The following SGCD variants were observed in gnomAD, a reference collection of about 807,000 sequenced individuals.
SGCD encodes the protein delta-sarcoglycan.
A neutral mutation model predicts 36.6 loss-of-function variants in SGCD; 18 were observed. The observed-to-expected ratio is 0.49, with a 90% CI of 0.34 to 0.73. SGCD has a LOEUF of 0.73. SGCD is among the 30% of genes least tolerant of loss of function. SGCD has a pLI of 0.01. For synonymous variants in SGCD, 133 were observed against 130.6 expected (o/e 1.02, Z -0.12); for missense variants, 387 against 346.7 (o/e 1.12, Z -0.92).
At chr5:156,539,944 G>A (rs1377762090) in intron 4 of SGCD, among the ~76,000 whole-genome samples, 2 of 152,122 alleles carry the variant, frequency 1.3e-5, no homozygotes, top group African/African-American at 4.8e-5. Flanking sequence ...GTTATAATAT[G>A]TGAATACGAG....
At chr5:155,966,553 G>A (rs1480355936) in intron 1 of SGCD, among the ~76,000 whole-genome samples, 1 of 152,114 alleles carries the variant, frequency 6.6e-6, no homozygotes, top group Non-Finnish European at 1.5e-5. Flanking sequence ...GCAGGAGACT[G>A]GAGAATGCAC....
chr5:155,956,865 T>G (rs1294904796), intron 1 of SGCD, among the ~76,000 whole-genome samples: 1 of 149,742 alleles, frequency 6.7e-6, no homozygotes, highest in African/African-American at 2.5e-5. Context: ...TCTGCAAAGA[T>G]CCTTTTTCCC....
chr5:156,119,655 C>T (rs1021581834), intron 2 of SGCD, among the ~76,000 whole-genome samples: 2 of 152,062 alleles, frequency 1.3e-5, no homozygotes, highest in Admixed American at 6.6e-5. Flanking sequence ...CACTTCTGCT[C>T]AAAAATCTTA....
intron 1 of SGCD, among the ~76,000 whole-genome samples, chr5:156,025,220 C>A (rs929378478): frequency 1.3e-5 from 2 of 152,148 alleles, no homozygotes; most frequent in African/African-American, 4.8e-5. Context: ...TGTTCATGAT[C>A]TCCCCATAGG....
At chr5:156,539,832 C>T (rs1455079192) in intron 4 of SGCD, among the ~76,000 whole-genome samples, 1 of 152,042 alleles carries the variant, frequency 6.6e-6, no homozygotes, top group Non-Finnish European at 1.5e-5. Flanking sequence ...AAAGTATATT[C>T]TTTATCTGAA....
chr5:156,363,553 G>A (rs1293029664), intron 3 of SGCD, among the ~76,000 whole-genome samples: 6 of 152,036 alleles, frequency 3.9e-5, no homozygotes, highest in African/African-American at 1.4e-4. Context: ...AAAAATAATA[G>A]CTATTATTTT....
chr5:156,607,555 A>C (rs151026472), intron 6 of SGCD, among the ~76,000 whole-genome samples: 2,676 of 152,164 alleles, frequency 0.018, 32 homozygotes, highest in Non-Finnish European at 0.029. Flanking sequence ...ATGATGCTGG[A>C]CTCATCAAAT....
At chr5:156,170,795 T>C (rs1763325996) in intron 3 of SGCD, among the ~76,000 whole-genome samples, 1 of 152,224 alleles carries the variant, frequency 6.6e-6, no homozygotes, top group Non-Finnish European at 1.5e-5. Flanking sequence ...AGTTCCAGGC[T>C]GTAATCACAT....
chr5:156,325,540 T>C (rs1397067100), upstream of SGCD, among the ~76,000 whole-genome samples: 1 of 152,162 alleles, frequency 6.6e-6, no homozygotes, highest in African/African-American at 2.4e-5. Context: ...GTCAGTAAGA[T>C]GCAGAGCTAA....
chr5:156,020,139 A>G (rs1202917627), intron 1 of SGCD, among the ~76,000 whole-genome samples: 1 of 152,202 alleles, frequency 6.6e-6, no homozygotes, highest in Non-Finnish European at 1.5e-5. Context: ...TTACTTTTAT[A>G]TATTTTCATA....
At chr5:156,163,114 G>GT (rs1763122713) in intron 3 of SGCD, among the ~76,000 whole-genome samples, 1 of 151,508 alleles carries the variant, frequency 6.6e-6, no homozygotes, top group Non-Finnish European at 1.5e-5. Context: ...TTTCACTATT[G>GT]TTTTTTCTCC....
intron 7 of SGCD, among the ~76,000 whole-genome samples, chr5:156,676,595 G>A (rs1208645013): frequency 1.3e-5 from 2 of 152,120 alleles, no homozygotes; most frequent in Non-Finnish European, 2.9e-5. Context: ...TGGCCTTGCG[G>A]TTCACGAACA....
intron 4 of SGCD, among the ~76,000 whole-genome samples, chr5:156,512,583 A>G (rs542777155): frequency 6.6e-6 from 1 of 152,174 alleles, no homozygotes; most frequent in Non-Finnish European, 1.5e-5. Context: ...ATGCATGCCT[A>G]TATTGTTTAT....
intron 5 of SGCD, among the ~76,000 whole-genome samples, chr5:156,591,953 A>G (rs1055740646): frequency 1.3e-5 from 2 of 152,156 alleles, no homozygotes; most frequent in African/African-American, 4.8e-5. Context: ...AGCTTCAGAT[A>G]CCCAAAGGGT....
At chr5:156,618,443 G>A (rs981771245) in intron 6 of SGCD, among the ~76,000 whole-genome samples, 4 of 152,000 alleles carry the variant, frequency 2.6e-5, no homozygotes, top group African/African-American at 7.3e-5. Context: ...CAGCAAGAAA[G>A]CCAAATATAA....
chr5:156,554,466 C>A (rs1464033079), intron 4 of SGCD, among the ~76,000 whole-genome samples: 1 of 150,616 alleles, frequency 6.6e-6, no homozygotes, highest in Non-Finnish European at 1.5e-5. Flanking sequence ...GTTACTATGC[C>A]TAATTTATAA....
At position 156,111,643 on chromosome 5, in the gene SGCD, T is replaced by C. The variant is rs867905220; in HGVS notation, c.-281-6235T>C. ...TCTCCATATGAGAGGCCCTGATGTGTAGCTAGTCATGTGAAAGAACTGAGA... is the reference window on the plus strand; with the variant it reads ...TCTCCATATGAGAGGCCCTGATGTGCAGCTAGTCATGTGAAAGAACTGAGA... On this transcript the variant is annotated intron_variant, in intron 1 of 9. Transcript: ENST00000517913. Among the ~76,000 whole-genome samples the C allele has an allele frequency of 3.1e-4, 46 of 149,464 alleles. 1 individual carries two copies. The highest frequency in any genetic ancestry group is 4.3e-4 in the South Asian group (2 of 4,666).
chr5:156,346,607 C>G (rs750671926), intron 3 of SGCD, among the ~76,000 whole-genome samples: 1 of 151,970 alleles, frequency 6.6e-6, no homozygotes, highest in Non-Finnish European at 1.5e-5. Context: ...GCTAAGAGTT[C>G]AGTTCTTTTG....
At chr5:156,165,025 A>G (rs1051266277) in intron 3 of SGCD, among the ~76,000 whole-genome samples, 11 of 152,254 alleles carry the variant, frequency 7.2e-5, no homozygotes, top group Admixed American at 6.5e-4. Flanking sequence ...ACATTTGATC[A>G]GAGGCTAAAA....
Sources: gnomAD v4.1 joint callset for allele counts (sites outside exome capture counted in the v4.1 genomes callset) on GRCh38, gnomAD v4.1.1 for gene constraint, MANE v1.5 for transcripts, NCBI Gene and HGNC (gene_info 2026-07-23, HGNC 2026-07-21) for gene names.